JAK2: variants seen among roughly 807,000 people sequenced by gnomAD.
The protein encoded by JAK2 is Janus kinase 2.
In JAK2, 86 loss-of-function variants were observed where a neutral mutation model predicts 139.3. The ratio of observed to expected loss-of-function variants is 0.62; its 90% CI spans 0.52 to 0.74. The LOEUF (loss-of-function observed/expected upper bound fraction) is 0.74. Among genes scored for constraint, JAK2 ranks in the 30% least tolerant of loss-of-function variants. The probability of loss-of-function intolerance (pLI) is 0.00; values close to 1 mark genes in which losing one functional copy is unlikely to be tolerated. For missense variants in JAK2, 1,421 were observed against 1,360.3 expected (o/e 1.04, Z -0.70); for synonymous variants, 490 against 437.7 (o/e 1.12, Z -1.49).
chr9:5,085,197 A>G, intron 19 of JAK2: 1 of 660,800 alleles, frequency 1.5e-6, no homozygotes, highest in Non-Finnish European at 2.9e-6. Context: ...TCATGATCAT[A>G]GCATTCATTT....
chr9:5,109,337 T>C (rs140639080), intron 22 of JAK2: 2 of 152,330 alleles, frequency 1.3e-5, no homozygotes, highest in East Asian at 3.9e-4. Context: ...GATCTAATAA[T>C]AGAAGCCTGC....
intron 2 of JAK2, among the ~76,000 whole-genome samples, chr9:5,007,620 G>A (rs1821393117): frequency 6.6e-6 from 1 of 151,914 alleles, no homozygotes; most frequent in African/African-American, 2.4e-5. Context: ...CTTTTATTAG[G>A]TTGACGCTAA....
At chr9:5,081,677 A>T in intron 18 of JAK2, 48 bp from the exon 19 acceptor site, 1 of 1,392,012 alleles carries the variant, frequency 7.2e-7, no homozygotes, top group Non-Finnish European at 1.0e-6. Flanking sequence ...TTTAGTCCAG[A>T]GAATGTTATT....
At chr9:5,111,126 C>G (rs963215442) in intron 22 of JAK2, 89 of 1,155,474 alleles carry the variant, frequency 7.7e-5, no homozygotes, top group Non-Finnish European at 1.1e-4. Context: ...TTGACCCCAG[C>G]TGGACGTTCA....
intron 2 of JAK2, among the ~76,000 whole-genome samples, chr9:5,007,964 A>G (rs1259030741): frequency 6.6e-6 from 1 of 152,070 alleles, no homozygotes; most frequent in Non-Finnish European, 1.5e-5. Context: ...CCTGACCTCA[A>G]ATGATCCCCC....
chr9:5,061,229 C>T (rs566534339), intron 8 of JAK2, among the ~76,000 whole-genome samples: 1 of 152,312 alleles, frequency 6.6e-6, no homozygotes, highest in South Asian at 2.1e-4. Flanking sequence ...TTCAAGTCAC[C>T]AATGGCATAG....
At chr9:5,123,357 C>T (rs1823762279) in intron 23 of JAK2, among the ~76,000 whole-genome samples, 1 of 151,864 alleles carries the variant, frequency 6.6e-6, no homozygotes, top group Admixed American at 6.6e-5. Flanking sequence ...CCACATTCTA[C>T]GTTCATGTGT....
chr9:4,999,181 G>A (rs908085336), intron 2 of JAK2, among the ~76,000 whole-genome samples: 2 of 152,090 alleles, frequency 1.3e-5, no homozygotes, highest in African/African-American at 4.8e-5. Context: ...GCTGGCCCAA[G>A]GTAAAATGAT....
chr9:5,015,929 A>C (rs1822028120), intron 2 of JAK2, among the ~76,000 whole-genome samples: 1 of 152,238 alleles, frequency 6.6e-6, no homozygotes, highest in African/African-American at 2.4e-5. Context: ...AAAATAGATC[A>C]AGCTGTACAT....
rs1180877226 is a variant in JAK2 at position 5,091,030 on chromosome 9, A to T, written c.3059+119A>T. 3 of 780,120 alleles carry T rather than the reference A, an allele frequency of 3.8e-6. No individual in the cohort carries two copies. In the East Asian group the frequency reaches 8.5e-5, roughly 22 times the overall value. 48.3% of individuals were successfully genotyped at this position (780,120 alleles called of 1,614,324 possible). A position where few individuals can be genotyped will look rare whatever the true frequency, so the allele number is the denominator to read the frequency against. On this transcript the variant is annotated intron_variant, in intron 22 of 24. Coordinates refer to ENST00000381652, the MANE Select transcript of JAK2 (RefSeq NM_004972.4). Reference sequence around the variant, plus strand: ...GTAACAGTGAACATTTAAGTCTTTTAAGTCTTACATTTAACTTTTTTTTTT... The same window carrying T: ...GTAACAGTGAACATTTAAGTCTTTTTAGTCTTACATTTAACTTTTTTTTTT...
At chr9:5,082,279 G>T (rs974918327) in intron 19 of JAK2, among the ~76,000 whole-genome samples, 3 of 152,168 alleles carry the variant, frequency 2.0e-5, no homozygotes, top group Admixed American at 1.3e-4. Context: ...TGGGGAGAAG[G>T]TCAGCAAGAA....
At chr9:5,006,635 A>G (rs1188603308) in intron 2 of JAK2, among the ~76,000 whole-genome samples, 1 of 152,170 alleles carries the variant, frequency 6.6e-6, no homozygotes, top group Non-Finnish European at 1.5e-5. Context: ...AGCAACAGGA[A>G]AGAGACAGCA....
chr9:5,101,223 G>T (rs1821456241), intron 22 of JAK2, among the ~76,000 whole-genome samples: 1 of 152,238 alleles, frequency 6.6e-6, no homozygotes, highest in South Asian at 2.1e-4. Context: ...CACACCAGGA[G>T]ATTATATCCC....
At chr9:5,123,821 TTCTC>T (rs1053714943) in intron 23 of JAK2, among the ~76,000 whole-genome samples, 92 of 151,874 alleles carry the variant, frequency 6.1e-4, no homozygotes, top group Non-Finnish European at 2.5e-4. Context: ...CTGTTATTTT[TTCTC>T]TCTCTCATTT....
intron 2 of JAK2, among the ~76,000 whole-genome samples, chr9:5,003,827 G>GT (rs1044132535): frequency 6.7e-5 from 10 of 149,784 alleles, no homozygotes; most frequent in Admixed American, 3.4e-4. Flanking sequence ...TAGGTATATT[G>GT]TTTTTTTACT....
At chr9:5,089,291 C>T (rs1820374822) in intron 19 of JAK2, among the ~76,000 whole-genome samples, 1 of 152,096 alleles carries the variant, frequency 6.6e-6, no homozygotes, top group South Asian at 2.1e-4. Flanking sequence ...GTAATCCCAG[C>T]ACTTTGGGAG....
At chr9:5,041,624 C>G (rs1479577723) in intron 4 of JAK2, 1 of 499,418 alleles carries the variant, frequency 2.0e-6, no homozygotes, top group African/African-American at 2.0e-5. Context: ...ACATGCGGCG[C>G]CTGGACTTTG....
At chr9:5,112,439 A>C in intron 22 of JAK2, 1 of 522,218 alleles carries the variant, frequency 1.9e-6, no homozygotes, top group Non-Finnish European at 3.5e-6. Context: ...ACCACTCAAG[A>C]GGAGAAGAAG....
At chr9:5,016,370 G>T (rs760978803) in intron 2 of JAK2, among the ~76,000 whole-genome samples, 2 of 152,166 alleles carry the variant, frequency 1.3e-5, no homozygotes, top group Non-Finnish European at 2.9e-5. Flanking sequence ...CAGATTGTTA[G>T]ATGAGGAGGG....
Sources: gnomAD v4.1 joint callset for allele counts (sites outside exome capture counted in the v4.1 genomes callset) on GRCh38, gnomAD v4.1.1 for gene constraint, MANE v1.5 for transcripts, NCBI Gene and HGNC (gene_info 2026-07-23, HGNC 2026-07-21) for gene names.